The following TRIM69 variants were observed in gnomAD, a reference collection of about 807,000 sequenced individuals.
The protein encoded by TRIM69 is E3 ubiquitin-protein ligase TRIM69.
TRIM69 carries 29 observed loss-of-function variants against 37.7 expected under a neutral mutation model. The ratio of observed to expected loss-of-function variants is 0.77; its 90% CI spans 0.57 to 1.05. The LOEUF (loss-of-function observed/expected upper bound fraction) is 1.05, where lower values mean the gene tolerates loss of function less well. TRIM69 is among the 50% of genes least tolerant of loss of function. The pLI, the probability that TRIM69 is intolerant of heterozygous loss-of-function variation, is 0.00. For synonymous variants in TRIM69, 209 were observed against 212.4 expected (o/e 0.98, Z 0.14); for missense variants, 596 against 579.9 (o/e 1.03, Z -0.28).
intron 6 of TRIM69, among the ~76,000 whole-genome samples, chr15:44,760,749 C>T (rs898669642): frequency 6.6e-6 from 1 of 151,962 alleles, no homozygotes; most frequent in African/African-American, 2.4e-5. Context: ...TTTATCACTC[C>T]AAAAAGTTCC....
At chr15:44,750,782 T>C in intron 1 of TRIM69, among the ~76,000 whole-genome samples, 1 of 133,646 alleles carries the variant, frequency 7.5e-6, no homozygotes, top group African/African-American at 2.8e-5. Flanking sequence ...TGGAGTGCAG[T>C]GGCGCGATCT....
chr15:44,756,498 C>T (rs922499477), intron 3 of TRIM69, 35 bp downstream of exon 3: 3 of 1,388,764 alleles, frequency 2.2e-6, no homozygotes, highest in East Asian at 2.5e-5. Flanking sequence ...TGAGATAGAA[C>T]TGGAACACAC....
intron 1 of TRIM69, 38 bp from the exon 2 acceptor site, chr15:44,754,862 A>G: frequency 6.7e-7 from 1 of 1,486,404 alleles, no homozygotes; most frequent in Non-Finnish European, 9.2e-7. Flanking sequence ...AATGGGCAAC[A>G]AGAAAGATAA....
chr15:44,760,075 A>G (rs2087744553), intron 6 of TRIM69, among the ~76,000 whole-genome samples: 1 of 152,230 alleles, frequency 6.6e-6, no homozygotes. Context: ...GTAAATAGAT[A>G]TGAGTTTGAT....
intron 1 of TRIM69, among the ~76,000 whole-genome samples, chr15:44,747,814 A>C (rs1744754850): frequency 6.6e-6 from 1 of 152,234 alleles, no homozygotes; most frequent in Non-Finnish European, 1.5e-5. Flanking sequence ...CAATATAAAT[A>C]GTTATTAATG....
At chr15:44,746,669 T>C (rs953992031) in intron 1 of TRIM69, among the ~76,000 whole-genome samples, 26 of 152,082 alleles carry the variant, frequency 1.7e-4, no homozygotes, top group East Asian at 1.9e-4. Flanking sequence ...TGATTAATGC[T>C]GAAAGTCCAT....
intron 1 of TRIM69, among the ~76,000 whole-genome samples, chr15:44,748,249 A>G (rs954220946): frequency 2.0e-5 from 3 of 152,166 alleles, no homozygotes; most frequent in African/African-American, 7.2e-5. Context: ...GAAGCTAGGG[A>G]CTTCTAGTTG....
At chr15:44,747,605 G>A (rs986998735) in intron 1 of TRIM69, among the ~76,000 whole-genome samples, 1 of 152,154 alleles carries the variant, frequency 6.6e-6, no homozygotes, top group African/African-American at 2.4e-5. Context: ...AGAAAAAGAG[G>A]CTACAGAGAA....
intron 1 of TRIM69, among the ~76,000 whole-genome samples, chr15:44,745,198 C>T (rs758174291): frequency 2.0e-5 from 3 of 151,864 alleles, no homozygotes; most frequent in Non-Finnish European, 2.9e-5. Flanking sequence ...TCAACATATA[C>T]GAAGCCCATT....
intron 6 of TRIM69, among the ~76,000 whole-genome samples, chr15:44,765,268 G>A (rs886487033): frequency 1.3e-5 from 2 of 152,162 alleles, no homozygotes; most frequent in African/African-American, 2.4e-5. Context: ...AGTGCAGGCT[G>A]AACTAGCTAG....
At chr15:44,740,222 C>T (rs964655393) in intron 1 of TRIM69, among the ~76,000 whole-genome samples, 2 of 152,304 alleles carry the variant, frequency 1.3e-5, no homozygotes, top group East Asian at 3.9e-4. Context: ...ATACCAAAAA[C>T]CCATCTGTAC....
intron 6 of TRIM69, among the ~76,000 whole-genome samples, chr15:44,765,737 G>A (rs1032575489): frequency 6.7e-6 from 1 of 149,552 alleles, no homozygotes; most frequent in Non-Finnish European, 1.5e-5. Context: ...CTGGGGGACA[G>A]AGCAAGAATC....
Position 44,759,837 on chromosome 15 carries a change from T to C in TRIM69, c.926T>C (p.Met309Thr), listed in dbSNP as rs746977413. 3 of 1,613,966 alleles carry C rather than the reference T, an allele frequency of 1.9e-6. No homozygotes were observed. Among genetic ancestry groups the C allele is most frequent in the Admixed American group, 1.7e-5 (1 of 59,992 alleles). ...CAGTACAAAGGTCCTATCCAGTACA[T>C]GGTATGGAGGGAAATGCAGGACACT... ...LGQYKGPIQY[M>T]VWREMQDTLC... The change falls in exon 6 of 7, where the codon ATG becomes ACG. Residue 309 changes from methionine (M) to threonine (T), a missense_variant. Transcript: ENST00000329464.
chr15:44,755,365 C>T lies in TRIM69; in HGVS notation c.472C>T (p.His158Tyr). 1 of 1,612,430 alleles carries T rather than the reference C, an allele frequency of 6.2e-7. No individual in the cohort carries two copies. Among genetic ancestry groups the T allele is most frequent in the Non-Finnish European group, 8.5e-7 (1 of 1,179,272 alleles). The change falls in exon 2 of 7, where the codon CAT (histidine) becomes TAT (tyrosine). Residue 158 changes from histidine (H) to tyrosine (Y), a missense_variant. By Grantham distance (83) the His-to-Tyr change is moderately conservative. Coordinates refer to ENST00000329464, the MANE Select transcript of TRIM69 (RefSeq NM_182985.5). Reference protein sequence around the residue: ...KEFLQISDAVHFFTEELAIQQ... With the variant: ...KEFLQISDAVYFFTEELAIQQ... ...GTTCCTGCAAATCTCTGATGCTGTC[C>T]ATTTCTTCACGGTGGGTGAGCCCTG...
intron 1 of TRIM69, among the ~76,000 whole-genome samples, chr15:44,742,077 T>A (rs2087300663): frequency 6.6e-6 from 1 of 151,924 alleles, no homozygotes; most frequent in South Asian, 2.1e-4. Flanking sequence ...AATAAAATAC[T>A]GGCAAACTGA....
At chr15:44,759,707 C>T in intron 5 of TRIM69, 41 bp from the exon 6 acceptor site, 6 of 1,614,092 alleles carry the variant, frequency 3.7e-6, no homozygotes, top group Non-Finnish European at 5.1e-6. Context: ...CCTTGAGTCT[C>T]TGGAGGATGT....
intron 1 of TRIM69, among the ~76,000 whole-genome samples, chr15:44,738,795 T>C (rs748467271): frequency 6.6e-6 from 1 of 152,206 alleles, no homozygotes; most frequent in African/African-American, 2.4e-5. Context: ...AAATATGTAG[T>C]AATAATACGT....
At chr15:44,741,422 C>A (rs1451991991) in intron 1 of TRIM69, among the ~76,000 whole-genome samples, 3 of 152,078 alleles carry the variant, frequency 2.0e-5, no homozygotes, top group South Asian at 2.1e-4. Flanking sequence ...AAAGCAAGAG[C>A]AAACACATTC....
chr15:44,767,094 T>C (rs1168220213), intron 6 of TRIM69, 137 bp from the exon 7 acceptor site: 4 of 106,590 alleles, frequency 3.8e-5, no homozygotes, highest in Admixed American at 3.2e-4. Context: ...AGCATATAAG[T>C]AATTGCTTGC....
Sources: allele counts gnomAD v4.1 joint callset (sites outside exome capture counted in the v4.1 genomes callset), GRCh38; gene constraint gnomAD v4.1.1; transcripts MANE v1.5; gene names NCBI Gene and HGNC (gene_info 2026-07-23, HGNC 2026-07-21).